The following RASA2 variants were observed in gnomAD, a reference collection of about 807,000 sequenced individuals.
RASA2 encodes ras GTPase-activating protein 2.
Under a neutral mutation model 118.2 loss-of-function variants are expected in RASA2, and 155 were observed. That is an observed-to-expected ratio of 1.31 (90% confidence interval 1.15 to 1.50). The LOEUF is 1.50. Among genes scored for constraint, RASA2 ranks in the 40% most tolerant of loss-of-function variants. The pLI, the probability that RASA2 is intolerant of heterozygous loss-of-function variation, is 0.00. For missense variants in RASA2, 1,016 were observed against 1,009.6 expected (o/e 1.01, Z -0.09); for synonymous variants, 353 against 349.1 (o/e 1.01, Z -0.12).
Position 141,573,184 on chromosome 3 carries a change from T to G in RASA2, c.1322T>G (p.Ile441Ser). Reference protein sequence around the residue: ...DSSKSCEIDPIKLKEGDNVEN... With the variant: ...DSSKSCEIDPSKLKEGDNVEN... ...TCAAAATCCTGTGAAATCGATCCTA[T>G]TAAATTGAAAGAGGGAGATAATGTA... The change falls in exon 13 of 24, where the codon ATT becomes AGT. Residue 441 changes from isoleucine (I) to serine (S), a missense_variant. Transcript: ENST00000286364. 3 of 1,543,528 alleles carry G rather than the reference T, an allele frequency of 1.9e-6. No homozygotes were observed.
chr3:141,534,861 A>G (rs1038928522), intron 4 of RASA2, among the ~76,000 whole-genome samples: 2 of 152,128 alleles, frequency 1.3e-5, no homozygotes, highest in African/African-American at 4.8e-5. Context: ...TGCCATTAAT[A>G]TAAGAGATAT....
chr3:141,547,879 G>A lies in RASA2; in HGVS notation c.528-5978G>A, dbSNP rs143025103. Among the ~76,000 whole-genome samples, 262 of 152,198 alleles carry A rather than the reference G, an allele frequency of 1.7e-3. 4 individuals are homozygous for A. The South Asian group carries it at 0.023, about 14-fold the overall frequency. The stretch of plus-strand genomic sequence containing the variant: ...ATCCTTCTGTACCTATTTTTTGAGG[G>A]TTTTATTATTATGAAGGACTGTTGA... On this transcript the variant is annotated intron_variant, in intron 5 of 23. Coordinates refer to ENST00000286364, the MANE Select transcript of RASA2 (RefSeq NM_006506.5).
chr3:141,497,332 AAAG>A (rs1177100845), intron 1 of RASA2, among the ~76,000 whole-genome samples: 10 of 152,052 alleles, frequency 6.6e-5, no homozygotes, highest in Admixed American at 5.2e-4. Flanking sequence ...AAAAAAAAAA[AAAG>A]AGCGAGTTAG....
chr3:141,494,945 GCAGT>G (rs2081682304), intron 1 of RASA2, among the ~76,000 whole-genome samples: 1 of 152,176 alleles, frequency 6.6e-6, no homozygotes, highest in Non-Finnish European at 1.5e-5. Flanking sequence ...TCCAGTGAGG[GCAGT>G]CAGTTGTAAG....
intron 1 of RASA2, among the ~76,000 whole-genome samples, chr3:141,501,869 TG>T (rs2081787920): frequency 6.6e-6 from 1 of 152,110 alleles, no homozygotes; most frequent in Non-Finnish European, 1.5e-5. Context: ...CTTTTTTTTT[TG>T]TTGTTGTTGT....
At chr3:141,550,597 C>A (rs1177914964) in intron 5 of RASA2, among the ~76,000 whole-genome samples, 3 of 152,210 alleles carry the variant, frequency 2.0e-5, no homozygotes, top group Non-Finnish European at 4.4e-5. Flanking sequence ...ATTTTAACAG[C>A]TTTTTTGAAT....
intron 16 of RASA2, 100 bp downstream of exon 16, chr3:141,580,551 A>AACACAC (rs1209191305): frequency 4.2e-5 from 30 of 714,298 alleles, no homozygotes; most frequent in Non-Finnish European, 5.0e-5. Flanking sequence ...TTAAAAACAA[A>AACACAC]ACATACACAC....
intron 19 of RASA2, among the ~76,000 whole-genome samples, chr3:141,594,264 C>G (rs972040065): frequency 6.6e-6 from 1 of 151,736 alleles, no homozygotes; most frequent in African/African-American, 2.4e-5. Context: ...GGGAAATGAA[C>G]AAAACCTCAG....
At chr3:141,574,224 C>G (rs1488302481) in intron 14 of RASA2, among the ~76,000 whole-genome samples, 157 bp downstream of exon 14, 1 of 151,738 alleles carries the variant, frequency 6.6e-6, no homozygotes. Context: ...GAGTCTTGCT[C>G]TGTCACCCTG....
chr3:141,513,009 G>A (rs1273406978), intron 2 of RASA2, among the ~76,000 whole-genome samples: 1 of 150,774 alleles, frequency 6.6e-6, no homozygotes, highest in Non-Finnish European at 1.5e-5. Flanking sequence ...GTTGCAGTGA[G>A]CCAAGATTAT....
At chr3:141,528,377 T>C (rs2082212229) in intron 3 of RASA2, among the ~76,000 whole-genome samples, 1 of 151,992 alleles carries the variant, frequency 6.6e-6, no homozygotes, top group South Asian at 2.1e-4. Context: ...GTATACATTA[T>C]ATTTGCTTTT....
At chr3:141,599,760 C>T (rs1206048801) in intron 19 of RASA2, among the ~76,000 whole-genome samples, 2 of 151,944 alleles carry the variant, frequency 1.3e-5, no homozygotes, top group African/African-American at 2.4e-5. Flanking sequence ...ATGGCAAGTG[C>T]GTTTTCATTC....
At chr3:141,528,741 C>T (rs1331916688) in intron 3 of RASA2, among the ~76,000 whole-genome samples, 1 of 151,812 alleles carries the variant, frequency 6.6e-6, no homozygotes, top group African/African-American at 2.4e-5. Context: ...GTTGACGTAT[C>T]TTGACAGAAA....
chr3:141,508,032 ATAAGT>A (rs1191333383), intron 1 of RASA2, among the ~76,000 whole-genome samples: 1 of 152,176 alleles, frequency 6.6e-6, no homozygotes, highest in African/African-American at 2.4e-5. Context: ...CGGGCTATAG[ATAAGT>A]TGAGAAAGTT....
intron 11 of RASA2, among the ~76,000 whole-genome samples, chr3:141,572,029 C>CATATATATAT (rs10568210): frequency 2.1e-3 from 260 of 121,426 alleles, no homozygotes; most frequent in Middle Eastern, 4.5e-3. Context: ...TTTAAAAAAA[C>CATATATATAT]ATATATATAT....
At chr3:141,555,758 A>C (rs1415462424) in intron 6 of RASA2, 82 bp from the exon 7 acceptor site, 1 of 1,188,102 alleles carries the variant, frequency 8.4e-7, no homozygotes, top group Non-Finnish European at 1.2e-6. Context: ...AATGGAGGTC[A>C]GGCTCCCTGG....
At chr3:141,514,331 T>G (rs2081993014) in intron 2 of RASA2, among the ~76,000 whole-genome samples, 1 of 152,220 alleles carries the variant, frequency 6.6e-6, no homozygotes, top group South Asian at 2.1e-4. Flanking sequence ...GGAAATCAAT[T>G]TAAAACCATT....
chr3:141,611,624 A>G (rs950556476), intron 23 of RASA2, among the ~76,000 whole-genome samples: 1 of 152,216 alleles, frequency 6.6e-6, no homozygotes, highest in Non-Finnish European at 1.5e-5. Flanking sequence ...ACAGCTGACA[A>G]GTCACACTGC....
intron 1 of RASA2, among the ~76,000 whole-genome samples, chr3:141,496,461 C>T (rs960827184): frequency 6.6e-6 from 1 of 152,098 alleles, no homozygotes; most frequent in Non-Finnish European, 1.5e-5. Flanking sequence ...AGAACTCAAA[C>T]AAATTTACAA....
Sources: gnomAD v4.1 joint callset for allele counts (sites outside exome capture counted in the v4.1 genomes callset) on GRCh38, gnomAD v4.1.1 for gene constraint, MANE v1.5 for transcripts, NCBI Gene and HGNC (gene_info 2026-07-23, HGNC 2026-07-21) for gene names.